INSR: variants seen among roughly 807,000 people sequenced by gnomAD.
INSR encodes insulin receptor, also known as IR.
Under a neutral mutation model 142.6 loss-of-function variants are expected in INSR, and 67 were observed. The observed-to-expected ratio is 0.47, with a 90% CI of 0.39 to 0.58. The LOEUF is 0.58. Among genes scored for constraint, INSR ranks in the 20% least tolerant of loss-of-function variants. INSR has a pLI of 0.00. For missense variants in INSR, 1,248 were observed against 1,833.2 expected (o/e 0.68, Z 5.83); for synonymous variants, 756 against 743.1 (o/e 1.02, Z -0.28).
At chr19:7,265,020 G>T (rs957984051) in intron 2 of INSR, among the ~76,000 whole-genome samples, 6 of 152,172 alleles carry the variant, frequency 3.9e-5, no homozygotes, top group African/African-American at 1.4e-4. Context: ...CAGATAAGAA[G>T]ATCCTCCTTT....
At chr19:7,187,917 G>T (rs1014423212) in intron 2 of INSR, among the ~76,000 whole-genome samples, 2 of 152,078 alleles carry the variant, frequency 1.3e-5, no homozygotes, top group African/African-American at 4.8e-5. Context: ...TCTCCCAGAC[G>T]AGACAGTTCA....
At position 7,192,663 on chromosome 19, in the gene INSR, G is replaced by C. The variant is rs886792558; in HGVS notation, c.653-8026C>G. The stretch of plus-strand genomic sequence containing the variant: ...GTCACTCCCTCACACCTGCACACAA[G>C]TGCTGCTGTGTATGTAGGGAACATC... On this transcript the variant is annotated intron_variant, in intron 2 of 21. Coordinates refer to ENST00000302850, the MANE Select transcript of INSR (RefSeq NM_000208.4). This position sits in a 1 kb window ranked among gnomAD's most constrained non-coding sequence, Gnocchi z 4.2. Among the ~76,000 whole-genome samples the C allele has an allele frequency of 6.6e-6, 1 of 152,170 alleles. No individual in the cohort carries two copies. Among genetic ancestry groups the C allele is most frequent in the Non-Finnish European group, 1.5e-5 (1 of 68,030 alleles).
chr19:7,289,271 G>C (rs534135421), intron 1 of INSR, among the ~76,000 whole-genome samples: 3 of 152,150 alleles, frequency 2.0e-5, no homozygotes, highest in African/African-American at 4.8e-5. Context: ...AGATGGAAAG[G>C]GCAGGGAGGA....
chr19:7,223,206 C>T (rs942769711), intron 2 of INSR, among the ~76,000 whole-genome samples: 1 of 151,978 alleles, frequency 6.6e-6, no homozygotes, highest in African/African-American at 2.4e-5. Context: ...CAAAAAAAAC[C>T]AACTGGCTAA....
At chr19:7,266,454 C>T (rs890916991) in intron 2 of INSR, among the ~76,000 whole-genome samples, 4 of 149,028 alleles carry the variant, frequency 2.7e-5, no homozygotes, top group African/African-American at 9.9e-5. Flanking sequence ...GGCACAATCT[C>T]GGCTCACTGC....
At chr19:7,252,463 G>A (rs1443959795) in intron 2 of INSR, among the ~76,000 whole-genome samples, 2 of 152,050 alleles carry the variant, frequency 1.3e-5, no homozygotes, top group Non-Finnish European at 2.9e-5. Flanking sequence ...AAACCCGTCT[G>A]CTAGGTTAGT....
chr19:7,274,933 C>G (rs1382700271), intron 1 of INSR, among the ~76,000 whole-genome samples: 1 of 151,922 alleles, frequency 6.6e-6, no homozygotes, highest in Non-Finnish European at 1.5e-5. Context: ...TTGGCTTCAC[C>G]CAGGAAAGAA....
At chr19:7,126,701 G>T in intron 15 of INSR, 50 bp from the exon 16 acceptor site, 4 of 1,509,728 alleles carry the variant, frequency 2.6e-6, no homozygotes, top group Non-Finnish European at 1.8e-6. Context: ...ATGGGACTCT[G>T]CAGAAAGGTG....
intron 1 of INSR, among the ~76,000 whole-genome samples, chr19:7,270,349 A>T (rs1019603937): frequency 0.012 from 1,665 of 143,454 alleles, 44 homozygotes; most frequent in African/African-American, 0.04. Context: ...TCACACACAC[A>T]CACACACACA....
chr19:7,207,007 G>A (rs888745171), intron 2 of INSR, among the ~76,000 whole-genome samples: 1 of 152,090 alleles, frequency 6.6e-6, no homozygotes, highest in African/African-American at 2.4e-5. Context: ...AGCCTCCTAA[G>A]GAAACCATAA....
intron 6 of INSR, among the ~76,000 whole-genome samples, chr19:7,169,733 G>A (rs1973970693): frequency 6.6e-6 from 1 of 152,148 alleles, no homozygotes; most frequent in African/African-American, 2.4e-5. Context: ...GAAGTCTTCA[G>A]CATCAGCCTG....
In INSR at chr19:7,207,948, G is replaced by GGAAGGAAGGAAGGAAGGGAGGGAA. The variant is rs1375255118; in HGVS notation, c.653-23312_653-23311insTTCCCTCCCTTCCTTCCTTCCTTC. 1.3e-3 allele frequency among the ~76,000 whole-genome samples: 165 copies of GGAAGGAAGGAAGGAAGGGAGGGAA among 124,138 alleles called. 2 individuals carry two copies. The highest frequency in any genetic ancestry group is 7.7e-3 in the Middle Eastern group (2 of 260). 81.4% of individuals were successfully genotyped at this position (124,138 alleles called of 152,430 possible). On this transcript the variant is annotated intron_variant, in intron 2 of 21. Transcript: ENST00000302850. ...AGGAAGGAAGGAAGGAAGGGAAGGA[G>GGAAGGAAGGAAGGAAGGGAGGGAA]GGAGGGAGGGAGGGAGGGAGGCAAA... is the stretch of plus-strand genomic sequence containing the variant.
intron 1 of INSR, among the ~76,000 whole-genome samples, chr19:7,286,458 G>A (rs1041388824): frequency 3.3e-5 from 5 of 151,666 alleles, no homozygotes; most frequent in African/African-American, 1.2e-4. Context: ...CATGAATATG[G>A]CTTACTGTAG....
rs748468957 is a variant in INSR at position 7,122,954 on chromosome 19, G to C, written c.3294C>G (p.Pro1098=). The C allele has an allele frequency of 5.0e-6, 8 of 1,607,408 alleles. No individual in the cohort carries two copies. Among genetic ancestry groups the C allele is most frequent in the Non-Finnish European group, 6.8e-6 (8 of 1,178,010 alleles). Residue 1098 remains proline, a synonymous_variant, in exon 18 of 22, where the codon CCC becomes CCG. Coordinates refer to ENST00000302850, the MANE Select transcript of INSR (RefSeq NM_000208.4). ...CCATCAGCTCCATCACCACCAGCGT[G>C]GGCTGGCCCTTGGACACCACTCCCA... ...RLLGVVSKGQ[P]TLVVMELMAH... is the part of the protein sequence containing the mutation.
rs1973883661 is a variant in INSR at position 7,166,140 on chromosome 19, C to T, written c.1861+14G>A. On this transcript the variant is annotated intron_variant, in intron 8 of 21. Transcript: ENST00000302850. The surrounding 1 kb of genome is among the most constrained non-coding windows in gnomAD (Gnocchi z 4.1). The stretch of plus-strand genomic sequence containing the variant: ...TGATTCACATACGAATTCACATTCC[C>T]AAGACACACTCACTGGTGGCATCTG... The T allele has an allele frequency of 6.2e-7, 1 of 1,613,862 alleles. No homozygotes were observed. The highest frequency in any genetic ancestry group is 1.7e-5 in the Admixed American group (1 of 59,968).
chr19:7,200,859 C>CAAAAAAAA (rs59770137), intron 2 of INSR, among the ~76,000 whole-genome samples: 3 of 76,310 alleles, frequency 3.9e-5, no homozygotes, highest in African/African-American at 5.3e-5. Context: ...GACCTTATCT[C>CAAAAAAAA]AAAAAAAAAA....
intron 2 of INSR, among the ~76,000 whole-genome samples, chr19:7,251,747 T>C (rs1385622122): frequency 1.3e-5 from 2 of 151,974 alleles, no homozygotes; most frequent in East Asian, 3.9e-4. Flanking sequence ...TCTGGCAAAG[T>C]ACTATTTCTC....
chr19:7,197,318 G>C (rs1406631875), intron 2 of INSR, among the ~76,000 whole-genome samples: 3 of 90,772 alleles, frequency 3.3e-5, no homozygotes, highest in Non-Finnish European at 2.5e-5. Context: ...TCTCTTCGGA[G>C]AGAGAGTGAG....
intron 2 of INSR, among the ~76,000 whole-genome samples, chr19:7,191,003 T>TA (rs945023860): frequency 1.3e-5 from 2 of 152,000 alleles, no homozygotes; most frequent in African/African-American, 4.8e-5. Context: ...TTGTCAATTT[T>TA]AAAAAAATAG....
Sources: allele counts gnomAD v4.1 joint callset (sites outside exome capture counted in the v4.1 genomes callset), GRCh38; gene constraint gnomAD v4.1.1; non-coding constraint Gnocchi (gnomAD v3.1); transcripts MANE v1.5; gene names NCBI Gene and HGNC (gene_info 2026-07-23, HGNC 2026-07-21).